Variants in ZFHX3 observed in about 807,000 individuals in gnomAD.
The protein encoded by ZFHX3 is zinc finger homeobox 3.
A neutral mutation model predicts 279.1 loss-of-function variants in ZFHX3; 42 were observed. The ratio of observed to expected loss-of-function variants is 0.15; its 90% CI spans 0.12 to 0.19. ZFHX3 has a LOEUF of 0.19. Ranked by LOEUF, ZFHX3 falls within the 10% of genes least tolerant of loss-of-function variation. The probability of loss-of-function intolerance (pLI) is 1.00; values close to 1 mark genes in which losing one functional copy is unlikely to be tolerated. For missense variants in ZFHX3, 4,981 were observed against 4,754.0 expected (o/e 1.05, Z -1.40); for synonymous variants, 2,293 against 1,957.8 (o/e 1.17, Z -4.52).
chr16:73,129,004 G>T (rs987948722), intron 7 of ZFHX3, among the ~76,000 whole-genome samples: 2 of 152,108 alleles, frequency 1.3e-5, no homozygotes, highest in African/African-American at 4.8e-5. Flanking sequence ...TACTTACTTT[G>T]TGCTAAGTCT....
At chr16:73,141,150 G>A (rs545368286) in intron 6 of ZFHX3, among the ~76,000 whole-genome samples, 1 of 152,258 alleles carries the variant, frequency 6.6e-6, no homozygotes, top group South Asian at 2.1e-4. Context: ...TAATACTGTA[G>A]TTTTCAATAG....
chr16:73,437,640 C>T (rs1200238923), intron 3 of ZFHX3, among the ~76,000 whole-genome samples: 1 of 152,116 alleles, frequency 6.6e-6, no homozygotes, highest in Non-Finnish European at 1.5e-5. Flanking sequence ...TTGACATTTA[C>T]ATTTCATTCC....
chr16:72,871,639 C>G (rs1412074748), intron 4 of ZFHX3, among the ~76,000 whole-genome samples: 1 of 151,432 alleles, frequency 6.6e-6, no homozygotes, highest in Admixed American at 6.6e-5. Context: ...CACACCTGGC[C>G]TTTTTAAAAA....
intron 2 of ZFHX3, among the ~76,000 whole-genome samples, chr16:73,523,365 AC>A (rs1422686226): frequency 6.6e-6 from 1 of 151,892 alleles, no homozygotes; most frequent in East Asian, 1.9e-4. Flanking sequence ...ACCAGATGTG[AC>A]CTCCCTGGGT....
intron 3 of ZFHX3, among the ~76,000 whole-genome samples, chr16:73,423,139 G>A (rs761668779): frequency 1.3e-5 from 2 of 152,110 alleles, no homozygotes; most frequent in Non-Finnish European, 2.9e-5. Flanking sequence ...CTGAGATACT[G>A]AGGGTTAGGA....
chr16:73,303,627 T>C (rs13338061), intron 4 of ZFHX3, among the ~76,000 whole-genome samples: 4,444 of 152,240 alleles, frequency 0.029, 237 homozygotes, highest in African/African-American at 0.1. Flanking sequence ...ATTATCTGTA[T>C]AAGTCAAACC....
rs115520834 is a variant in ZFHX3 at position 73,549,713 on chromosome 16, G to T, written c.-1546-93455C>A. Among the ~76,000 whole-genome samples the T allele has an allele frequency of 3.3e-3, 498 of 152,204 alleles. 1 individual carries two copies. Among genetic ancestry groups the T allele is most frequent in the African/African-American group, 0.011 (476 of 41,532 alleles). On this transcript the variant is annotated intron_variant, in intron 2 of 17. Coordinates refer to the ZFHX3 transcript ENST00000641206. ...CCAGTCCAAACACAGAAAATGCCCC[G>T]GGTCTCCTTAACACCTCCAAAGCTA...
intron 2 of ZFHX3, among the ~76,000 whole-genome samples, chr16:73,490,395 C>T (rs1241568175): frequency 1.3e-5 from 2 of 152,180 alleles, no homozygotes; most frequent in Non-Finnish European, 2.9e-5. Context: ...TCTCATTGTT[C>T]ATGCTACTAA....
intron 3 of ZFHX3, among the ~76,000 whole-genome samples, chr16:72,933,370 C>G (rs1048536248): frequency 6.6e-6 from 1 of 151,982 alleles, no homozygotes; most frequent in Non-Finnish European, 1.5e-5. Context: ...GAAGAGACCT[C>G]GAAGCTTCTA....
intron 5 of ZFHX3, among the ~76,000 whole-genome samples, chr16:73,219,558 G>A (rs934002634): frequency 3.9e-5 from 6 of 152,210 alleles, no homozygotes; most frequent in Non-Finnish European, 8.8e-5. Flanking sequence ...AAGCCCTGTT[G>A]CATCTATGAG....
intron 2 of ZFHX3, among the ~76,000 whole-genome samples, chr16:73,537,945 T>G (rs889180957): frequency 6.6e-6 from 1 of 152,198 alleles, no homozygotes; most frequent in African/African-American, 2.4e-5. Context: ...TAAAAGTAAC[T>G]CTTACCCTTG....
chr16:72,913,639 C>T (rs1372954927), intron 3 of ZFHX3, among the ~76,000 whole-genome samples: 1 of 152,130 alleles, frequency 6.6e-6, no homozygotes. Flanking sequence ...TTTCTCCAGA[C>T]TTTACTCATT....
chr16:72,797,477 T>TTGTTGC lies in ZFHX3; in HGVS notation c.5204_5205insGCAACA (p.Gln1740_Gln1741dup), dbSNP rs1345195166. The stretch of plus-strand genomic sequence containing the variant: ...TTTGTGCTTGTTGTTGTTGTTGTTG[T>TTGTTGC]TGTTGTTGTTGCTGTTGCTGCTGCT... On this transcript the variant is annotated inframe_insertion, in exon 9 of 10. Coordinates refer to ENST00000268489, the MANE Select transcript of ZFHX3 (RefSeq NM_006885.4). The TTGTTGC allele has an allele frequency of 9.9e-6, 16 of 1,612,414 alleles. No homozygotes were observed. Among genetic ancestry groups the TTGTTGC allele is most frequent in the African/African-American group, 1.3e-5 (1 of 74,158 alleles).
chr16:73,709,710 T>C (rs1349645405), intron 1 of ZFHX3, among the ~76,000 whole-genome samples: 1 of 152,120 alleles, frequency 6.6e-6, no homozygotes, highest in East Asian at 1.9e-4. Context: ...TACAACATGA[T>C]GACTATAGAC....
chr16:73,142,448 G>C (rs1003817936), intron 6 of ZFHX3, among the ~76,000 whole-genome samples: 6 of 152,248 alleles, frequency 3.9e-5, no homozygotes, highest in Non-Finnish European at 8.8e-5. Context: ...CTAGTTACCA[G>C]TGAGTACAGA....
chr16:73,588,267 G>A (rs2051948138), intron 2 of ZFHX3, among the ~76,000 whole-genome samples: 1 of 152,102 alleles, frequency 6.6e-6, no homozygotes. Context: ...AATGTACGTA[G>A]AAGAAATGAT....
intron 4 of ZFHX3, among the ~76,000 whole-genome samples, chr16:73,313,923 C>A (rs117833513): frequency 6.6e-6 from 1 of 152,212 alleles, no homozygotes; most frequent in African/African-American, 2.4e-5. Context: ...GCTTGGGTAA[C>A]GTGGGGAAAC....
chr16:72,810,054 A>G (rs987054015), intron 7 of ZFHX3, among the ~76,000 whole-genome samples: 1 of 148,644 alleles, frequency 6.7e-6, no homozygotes, highest in African/African-American at 2.5e-5. Context: ...AATTTTTTGT[A>G]TTTTATTTTT....
At chr16:72,990,393 C>T (rs1963035896) in intron 1 of ZFHX3, among the ~76,000 whole-genome samples, 1 of 152,230 alleles carries the variant, frequency 6.6e-6, no homozygotes, top group South Asian at 2.1e-4. Context: ...CAGTCTCACA[C>T]ATCGTGCCCC....
Sources: gnomAD v4.1 joint callset for allele counts (sites outside exome capture counted in the v4.1 genomes callset) on GRCh38, gnomAD v4.1.1 for gene constraint, MANE v1.5 for transcripts, NCBI Gene and HGNC (gene_info 2026-07-23, HGNC 2026-07-21) for gene names.